Variants in ERBB4 observed in about 807,000 individuals in gnomAD.
ERBB4 encodes receptor tyrosine-protein kinase erbB-4.
In ERBB4, 42 loss-of-function variants were observed where a neutral mutation model predicts 158.0. The ratio of observed to expected loss-of-function variants is 0.27; its 90% CI spans 0.21 to 0.34. The LOEUF (loss-of-function observed/expected upper bound fraction) is 0.34, where lower values mean the gene tolerates loss of function less well. ERBB4 is among the 10% of genes least tolerant of loss of function. The probability of loss-of-function intolerance (pLI) is 1.00; values close to 1 mark genes in which losing one functional copy is unlikely to be tolerated. For synonymous variants in ERBB4, 583 were observed against 558.7 expected (o/e 1.04, Z -0.61); for missense variants, 1,333 against 1,624.1 (o/e 0.82, Z 3.08).
At chr2:211,467,862 T>A (rs1209025742) in intron 20 of ERBB4, among the ~76,000 whole-genome samples, 1 of 152,138 alleles carries the variant, frequency 6.6e-6, no homozygotes, top group African/African-American at 2.4e-5. Flanking sequence ...ATTCAGTAAG[T>A]ATGTGATTCC....
chr2:212,077,542 G>A (rs1022214354), intron 2 of ERBB4, among the ~76,000 whole-genome samples: 4 of 152,004 alleles, frequency 2.6e-5, no homozygotes, highest in African/African-American at 9.6e-5. Context: ...AGACACAAAA[G>A]AATACATATT....
At chr2:212,140,366 G>T (rs1228471952) in intron 1 of ERBB4, among the ~76,000 whole-genome samples, 1 of 119,874 alleles carries the variant, frequency 8.3e-6, no homozygotes, top group African/African-American at 4.9e-5. Flanking sequence ...AATATATATA[G>T]TAATATCTAT....
intron 2 of ERBB4, among the ~76,000 whole-genome samples, chr2:212,062,147 T>C (rs867215843): frequency 6.6e-6 from 1 of 152,318 alleles, no homozygotes; most frequent in Middle Eastern, 3.4e-3. Flanking sequence ...TATTCTGTTT[T>C]TCAATATTAC....
chr2:211,430,186 G>GT (rs565887557), intron 21 of ERBB4, among the ~76,000 whole-genome samples: 29 of 151,234 alleles, frequency 1.9e-4, no homozygotes, highest in East Asian at 7.8e-4. Context: ...GAATAACTGG[G>GT]TTTTTTTTTG....
At chr2:212,125,139 T>A in intron 1 of ERBB4, 2 of 515,846 alleles carry the variant, frequency 3.9e-6, no homozygotes, top group East Asian at 7.0e-5. Flanking sequence ...CACAGAAATA[T>A]ATAGCAAGGA....
At position 212,310,713 on chromosome 2, in the gene ERBB4, A is replaced by G. The variant is rs114796108; in HGVS notation, c.83-185810T>C. 5.2e-3 allele frequency among the ~76,000 whole-genome samples: 782 copies of G among 150,536 alleles called. 7 individuals carry two copies. The highest frequency in any genetic ancestry group is 0.018 in the African/African-American group (730 of 41,238). On this transcript the variant is annotated intron_variant, in intron 1 of 27. Coordinates refer to ENST00000342788, the MANE Select transcript of ERBB4 (RefSeq NM_005235.3). The stretch of plus-strand genomic sequence containing the variant: ...AATTGGGAGAAAAATTAACTGAAAA[A>G]TATTTTATTTTCCAAAAAACCCAGA...
chr2:211,934,942 C>A (rs1357900097), intron 3 of ERBB4, among the ~76,000 whole-genome samples: 151 of 44,694 alleles, frequency 3.4e-3, no homozygotes, highest in East Asian at 7.9e-3. Flanking sequence ...AAAAAAAAAA[C>A]TGCCTTGAAG....
chr2:211,961,361 T>C (rs1000865665), intron 2 of ERBB4, among the ~76,000 whole-genome samples: 4 of 152,164 alleles, frequency 2.6e-5, no homozygotes, highest in African/African-American at 9.7e-5. Flanking sequence ...TGGAGTTTCA[T>C]AAGCTCAGAG....
intron 2 of ERBB4, among the ~76,000 whole-genome samples, chr2:211,983,089 T>C (rs1575471568): frequency 6.6e-6 from 1 of 152,132 alleles, no homozygotes; most frequent in Non-Finnish European, 1.5e-5. Flanking sequence ...GGGGAAGTAA[T>C]TGAAGGGTGT....
At chr2:212,126,234 C>T (rs2079922301) in intron 1 of ERBB4, among the ~76,000 whole-genome samples, 1 of 151,974 alleles carries the variant, frequency 6.6e-6, no homozygotes, top group African/African-American at 2.4e-5. Context: ...GAGGCCGACG[C>T]AGTTGGATTA....
chr2:212,378,451 T>G (rs2090399009), intron 1 of ERBB4, among the ~76,000 whole-genome samples: 2 of 151,850 alleles, frequency 1.3e-5, no homozygotes, highest in African/African-American at 2.4e-5. Flanking sequence ...TTATTAACAG[T>G]GAGAAATACT....
At chr2:212,134,742 G>A (rs569798572) in intron 1 of ERBB4, among the ~76,000 whole-genome samples, 9 of 144,276 alleles carry the variant, frequency 6.2e-5, no homozygotes, top group South Asian at 4.4e-4. Context: ...GGAGTGCAGA[G>A]GTGCAATCTC....
In ERBB4 at chr2:211,722,467, G is replaced by A. The variant is rs911031567; in HGVS notation, c.809C>T (p.Pro270Leu). 1.2e-6 allele frequency: 2 copies of A among 1,613,594 alleles called. No homozygotes were observed. Among genetic ancestry groups the A allele is most frequent in the Non-Finnish European group, 1.7e-6 (2 of 1,179,652 alleles). ...TQCPQTFVYN[P>L]TTFQLEHNFN... is the part of the protein sequence containing the mutation. ...ATTGTGCTCCAGTTGAAAGGTGGTTGGATTGTAGACAAAGGTTTGGGGACA... is the reference window on the plus strand; with the variant it reads ...ATTGTGCTCCAGTTGAAAGGTGGTTAGATTGTAGACAAAGGTTTGGGGACA... The change falls in exon 7 of 28, where the codon CCA (proline) becomes CTA (leucine). Residue 270 changes from proline (P) to leucine (L), a missense_variant. Pro to Leu is a moderately conservative substitution (Grantham distance 98). Coordinates refer to ENST00000342788, the MANE Select transcript of ERBB4 (RefSeq NM_005235.3).
chr2:212,247,441 G>C (rs1019484216), intron 1 of ERBB4, among the ~76,000 whole-genome samples: 3 of 152,096 alleles, frequency 2.0e-5, no homozygotes, highest in Non-Finnish European at 2.9e-5. Context: ...GGGGTTAAGA[G>C]ATCTGTGGCT....
intron 3 of ERBB4, among the ~76,000 whole-genome samples, chr2:211,850,541 A>G (rs2106030510): frequency 6.6e-6 from 1 of 152,052 alleles, no homozygotes; most frequent in East Asian, 1.9e-4. Flanking sequence ...TTCTACAGGC[A>G]TTCAGAAGCC....
intron 5 of ERBB4, among the ~76,000 whole-genome samples, chr2:211,729,372 C>T (rs2074363761): frequency 6.6e-6 from 1 of 151,662 alleles, no homozygotes. Context: ...TAGGGCTTTT[C>T]ACCATCAACA....
At chr2:211,721,993 G>T (rs1465576797) in intron 7 of ERBB4, among the ~76,000 whole-genome samples, 1 of 152,086 alleles carries the variant, frequency 6.6e-6, no homozygotes, top group African/African-American at 2.4e-5. Flanking sequence ...CTCCAGAATA[G>T]CTGGGGCTAC....
intron 2 of ERBB4, among the ~76,000 whole-genome samples, chr2:211,966,183 C>T (rs1186154644): frequency 6.6e-6 from 1 of 152,122 alleles, no homozygotes. Flanking sequence ...CATTGCACTC[C>T]AGCTTGGGCA....
At chr2:211,734,884 G>T (rs2074551428) in intron 5 of ERBB4, among the ~76,000 whole-genome samples, 1 of 132,604 alleles carries the variant, frequency 7.5e-6, no homozygotes, top group Admixed American at 8.4e-5. Flanking sequence ...CTGCAATCCA[G>T]CCTGGGCGAC....
Sources: allele counts gnomAD v4.1 joint callset (sites outside exome capture counted in the v4.1 genomes callset), GRCh38; gene constraint gnomAD v4.1.1; transcripts MANE v1.5; gene names NCBI Gene and HGNC (gene_info 2026-07-23, HGNC 2026-07-21).